TNNI3K: variants seen among roughly 807,000 people sequenced by gnomAD.
TNNI3K encodes the protein TNNI3 interacting kinase, also known as serine/threonine-protein kinase TNNI3K.
A neutral mutation model predicts 114.5 loss-of-function variants in TNNI3K; 140 were observed. That is an observed-to-expected ratio of 1.22 (90% CI 1.07 to 1.41). The LOEUF (loss-of-function observed/expected upper bound fraction) is 1.41. Ranked by LOEUF, TNNI3K falls within the 40% of genes most tolerant of loss-of-function variation. The pLI is 0.00. For missense variants in TNNI3K, 1,125 were observed against 1,007.6 expected (o/e 1.12, Z -1.58); for synonymous variants, 347 against 347.5 (o/e 1.00, Z 0.02).
At chr1:74,281,502 G>A (rs1657014823) in intron 5 of TNNI3K, among the ~76,000 whole-genome samples, 1 of 151,730 alleles carries the variant, frequency 6.6e-6, no homozygotes, top group Admixed American at 6.6e-5. Context: ...TCCTAGGTAG[G>A]GTAAAACATT....
chr1:74,300,813 C>A (rs1658279481), intron 5 of TNNI3K, among the ~76,000 whole-genome samples: 1 of 152,152 alleles, frequency 6.6e-6, no homozygotes, highest in Admixed American at 6.6e-5. Flanking sequence ...TGTTTGCTAT[C>A]TGGCTAGCCT....
In TNNI3K at chr1:74,370,367, C is replaced by T; in HGVS notation, c.1747C>T (p.Pro583Ser). 6.2e-7 allele frequency: 1 copy of T among 1,606,420 alleles called. No individual in the cohort carries two copies. The highest frequency in any genetic ancestry group is 1.3e-5 in the African/African-American group (1 of 74,678). The stretch of plus-strand genomic sequence containing the variant: ...GGAGTACCTTCACAACCTGACACAG[C>T]CAATTATACATCGTGACTTGAACAG... ...GMEYLHNLTQ[P>S]IIHRDLNSHN... is the part of the protein sequence containing the mutation. Residue 583 changes from proline (P) to serine (S), a missense_variant, in exon 17 of 25, where the codon CCA (proline) becomes TCA (serine). Coordinates refer to ENST00000326637, the MANE Select transcript of TNNI3K (RefSeq NM_015978.3).
intron 5 of TNNI3K, among the ~76,000 whole-genome samples, chr1:74,328,984 C>A (rs953606366): frequency 1.3e-5 from 2 of 152,118 alleles, no homozygotes; most frequent in African/African-American, 4.8e-5. Flanking sequence ...CCTAAAGATA[C>A]CAAGCTCTTG....
chr1:74,538,858 A>C (rs1276663928), intron 23 of TNNI3K, among the ~76,000 whole-genome samples: 2 of 152,200 alleles, frequency 1.3e-5, no homozygotes, highest in Non-Finnish European at 2.9e-5. Flanking sequence ...AAAAAGAAGA[A>C]GCATTTAGCA....
At chr1:74,431,894 T>C (rs550662154) in intron 17 of TNNI3K, among the ~76,000 whole-genome samples, 4 of 152,274 alleles carry the variant, frequency 2.6e-5, no homozygotes, top group African/African-American at 9.6e-5. Context: ...GAAATCAAAA[T>C]GTTAAATGCA....
At chr1:74,363,460 G>A (rs1177811739) in intron 11 of TNNI3K, among the ~76,000 whole-genome samples, 2 of 152,034 alleles carry the variant, frequency 1.3e-5, no homozygotes, top group Non-Finnish European at 2.9e-5. Flanking sequence ...CAAAGAAAAT[G>A]CCAGCAAATT....
chr1:74,366,667 A>T (rs1662288925), intron 11 of TNNI3K: 1 of 151,992 alleles, frequency 6.6e-6, no homozygotes, highest in African/African-American at 2.4e-5. Context: ...CCACAGTTGG[A>T]TGCAAGGTAC....
At chr1:74,299,803 AG>A (rs1483773118) in intron 5 of TNNI3K, among the ~76,000 whole-genome samples, 1 of 152,142 alleles carries the variant, frequency 6.6e-6, no homozygotes, top group African/African-American at 2.4e-5. Flanking sequence ...AGGATGCTGA[AG>A]AGACAGGCAG....
intron 5 of TNNI3K, among the ~76,000 whole-genome samples, chr1:74,300,773 A>T (rs762986820): frequency 2.6e-5 from 4 of 152,192 alleles, no homozygotes; most frequent in Non-Finnish European, 4.4e-5. Flanking sequence ...TCTGGAGGCA[A>T]ACAAATTTAA....
intron 23 of TNNI3K, among the ~76,000 whole-genome samples, chr1:74,517,710 G>A (rs1291807265): frequency 1.3e-5 from 2 of 152,074 alleles, no homozygotes; most frequent in Non-Finnish European, 2.9e-5. Context: ...AGTACGACTG[G>A]TAAACCGAAA....
rs962645304 is a variant in TNNI3K at position 74,336,956 on chromosome 1, A to G, written c.682+807A>G. ...TTCCACAATGGTTGAACTAGTCTAC[A>G]GTCCCACCAACAGTGTAAAAGTGTT... On this transcript the variant is annotated intron_variant, in intron 7 of 24. Transcript: ENST00000326637. Among the ~76,000 whole-genome samples, 9 of 152,088 alleles carry G rather than the reference A, an allele frequency of 5.9e-5. No individual in the cohort carries two copies. The South Asian group carries it at 1.5e-3, about 25-fold the overall frequency.
intron 5 of TNNI3K, among the ~76,000 whole-genome samples, chr1:74,307,931 C>G (rs554019889): frequency 6.6e-6 from 1 of 152,064 alleles, no homozygotes; most frequent in South Asian, 2.1e-4. Flanking sequence ...CCACTGCACT[C>G]CAGCCTGAGG....
chr1:74,241,297 T>G (rs1003508158), intron 2 of TNNI3K, among the ~76,000 whole-genome samples: 1 of 152,236 alleles, frequency 6.6e-6, no homozygotes, highest in Non-Finnish European at 1.5e-5. Context: ...ATATACCCAG[T>G]AATGGGATGG....
At chr1:74,395,554 T>TCAGC (rs1664033901) in intron 17 of TNNI3K, among the ~76,000 whole-genome samples, 1 of 152,186 alleles carries the variant, frequency 6.6e-6, no homozygotes, top group African/African-American at 2.4e-5. Context: ...AAAACTGGAC[T>TCAGC]ATGTGTACTG....
chr1:74,308,722 T>C (rs1658799045), intron 5 of TNNI3K, among the ~76,000 whole-genome samples: 1 of 152,038 alleles, frequency 6.6e-6, no homozygotes, highest in African/African-American at 2.4e-5. Context: ...AAAAATTGGC[T>C]TTTGAAAGGA....
rs756686307 is a variant in TNNI3K at position 74,370,321 on chromosome 1, A to C, written c.1701A>C (p.Ala567=). The stretch of plus-strand genomic sequence containing the variant: ...ATTTGCAGTCTAAATTAATTATTGC[A>C]GTAGATGTTGCCAAAGGCATGGAGT... The part of the protein sequence containing the change: ...ILDLQSKLII[A]VDVAKGMEYL... The change falls in exon 17 of 25, where the codon GCA becomes GCC. Residue 567 remains alanine (A), a synonymous_variant. Transcript: ENST00000326637. The C allele has an allele frequency of 1.2e-6, 2 of 1,604,686 alleles. No individual in the cohort carries two copies. Among genetic ancestry groups the C allele is most frequent in the Non-Finnish European group, 1.7e-6 (2 of 1,174,470 alleles).
intron 5 of TNNI3K, among the ~76,000 whole-genome samples, chr1:74,303,272 C>T (rs1421221430): frequency 2.0e-5 from 3 of 152,114 alleles, no homozygotes; most frequent in Admixed American, 6.5e-5. Context: ...TGGCTCACTG[C>T]AACCTCCACC....
At chr1:74,273,001 T>TCA (rs869261200) in intron 5 of TNNI3K, among the ~76,000 whole-genome samples, 1 of 114 alleles carries the variant, frequency 8.8e-3, no homozygotes, top group Admixed American at 0.083. Flanking sequence ...AATAGTTATG[T>TCA]TCCCCCTTTT....
At chr1:74,302,114 C>G (rs1280584553) in intron 5 of TNNI3K, among the ~76,000 whole-genome samples, 1 of 152,174 alleles carries the variant, frequency 6.6e-6, no homozygotes, top group Non-Finnish European at 1.5e-5. Context: ...ATTTCATGTC[C>G]CTGTGTCACA....
Sources: allele counts gnomAD v4.1 joint callset (sites outside exome capture counted in the v4.1 genomes callset), GRCh38; gene constraint gnomAD v4.1.1; transcripts MANE v1.5; gene names NCBI Gene and HGNC (gene_info 2026-07-23, HGNC 2026-07-21).